The following SLC30A7 variants were observed in gnomAD, a reference collection of about 807,000 sequenced individuals.
The protein encoded by SLC30A7 is solute carrier family 30 member 7, also known as zinc transporter 7.
In SLC30A7, 35 loss-of-function variants were observed where a neutral mutation model predicts 46.0. The observed-to-expected ratio is 0.76, with a 90% confidence interval of 0.58 to 1.01. The LOEUF is 1.01. Among genes scored for constraint, SLC30A7 ranks in the 50% least tolerant of loss-of-function variants. The probability of loss-of-function intolerance (pLI) is 0.00; values close to 1 mark genes in which losing one functional copy is unlikely to be tolerated. For missense variants in SLC30A7, 464 were observed against 451.1 expected, an observed-to-expected ratio of 1.03 and a Z score of -0.26; for synonymous variants, 147 against 157.8, an observed-to-expected ratio of 0.93 and a Z score of 0.51.
intron 5 of SLC30A7, among the ~76,000 whole-genome samples, chr1:100,913,399 T>C (rs1366099802): frequency 1.3e-5 from 2 of 152,226 alleles, no homozygotes. Context: ...TCTGACCTCT[T>C]TGGAGATATC....
intron 8 of SLC30A7, among the ~76,000 whole-genome samples, chr1:100,935,954 GC>G (rs1363080263): frequency 1.3e-5 from 2 of 151,968 alleles, no homozygotes; most frequent in Non-Finnish European, 2.9e-5. Context: ...ACCACTCTTT[GC>G]CCTTAATAGG....
At chr1:100,928,711 G>T (rs1422890429) in intron 8 of SLC30A7, among the ~76,000 whole-genome samples, 1 of 151,868 alleles carries the variant, frequency 6.6e-6, no homozygotes, top group Non-Finnish European at 1.5e-5. Context: ...AGAAAATTTT[G>T]AAAATAGTGG....
chr1:100,900,233 T>C (rs899111296), intron 2 of SLC30A7, among the ~76,000 whole-genome samples: 1 of 152,248 alleles, frequency 6.6e-6, no homozygotes, highest in Non-Finnish European at 1.5e-5. Flanking sequence ...TTAATTTCAG[T>C]AGTATTTCTT....
chr1:100,946,050 G>C (rs1033733476), intron 8 of SLC30A7, among the ~76,000 whole-genome samples: 27 of 152,154 alleles, frequency 1.8e-4, no homozygotes, highest in African/African-American at 6.3e-4. Flanking sequence ...TGAAGCAATT[G>C]TGAATGGAAG....
At chr1:100,914,747 A>G (rs2101021888) in intron 6 of SLC30A7, among the ~76,000 whole-genome samples, 1 of 152,268 alleles carries the variant, frequency 6.6e-6, no homozygotes, top group East Asian at 1.9e-4. Flanking sequence ...ACAGAATCCT[A>G]AAGCTTTAGA....
chr1:100,906,981 A>C lies in SLC30A7; in HGVS notation c.296+16A>C. ...TCTCCTATGGGTAAGACTTTAAGAA[A>C]AAAAATCTTTTTATTGAAGTATAAG... On this transcript the variant is annotated intron_variant, in intron 3 of 10. Transcript: ENST00000357650. 1 of 1,524,816 alleles carries C rather than the reference A, an allele frequency of 6.6e-7. No homozygotes were observed. The highest frequency in any genetic ancestry group is 9.0e-7 in the Non-Finnish European group (1 of 1,105,944). The allele number at this position is 1,524,816 out of a possible 1,614,324, so 94.5% of individuals were successfully genotyped here. A position where few individuals can be genotyped will look rare whatever the true frequency, so the allele number is the denominator to read the frequency against.
chr1:100,961,941 C>G (rs1365226604), intron 9 of SLC30A7, 23 bp downstream of exon 9: 1 of 1,435,368 alleles, frequency 7.0e-7, no homozygotes, highest in East Asian at 2.3e-5. Context: ...TACTCCAAAC[C>G]ATTGGATTTT....
chr1:100,963,201 C>T lies in SLC30A7; in HGVS notation c.933+1283C>T, dbSNP rs113578764. Among the ~76,000 whole-genome samples the T allele has an allele frequency of 8.4e-3, 1,283 of 152,200 alleles. 12 individuals are homozygous for T. The highest frequency in any genetic ancestry group is 0.014 in the Non-Finnish European group (918 of 67,990). On this transcript the variant is annotated intron_variant, in intron 9 of 10. Coordinates refer to ENST00000357650, the MANE Select transcript of SLC30A7 (RefSeq NM_133496.5). ...TAAAACATCAAGATTGTATTTATTACCTCCGGAGAAGTTCTAGTTCTACTC... is the reference window on the plus strand; with the variant it reads ...TAAAACATCAAGATTGTATTTATTATCTCCGGAGAAGTTCTAGTTCTACTC...
At chr1:100,916,099 C>T (rs553222018) in intron 6 of SLC30A7, among the ~76,000 whole-genome samples, 13 of 151,232 alleles carry the variant, frequency 8.6e-5, no homozygotes, top group South Asian at 4.2e-4. Context: ...TTTATTCCTT[C>T]GGCCATTTAT....
At position 100,976,760 on chromosome 1, in the gene SLC30A7, CTAT is replaced by C. The variant is rs939812453; in HGVS notation, c.*1906_*1908del. ...CTGACCTACAACTATAAACTACTCT[CTAT>C]TAGGAGAACTAGACCACTTTCTTCA... On this transcript the variant is annotated 3_prime_UTR_variant, in exon 11 of 11. Transcript: ENST00000357650. 2 of 152,602 alleles carry C rather than the reference CTAT, an allele frequency of 1.3e-5. No individual in the cohort carries two copies. The highest frequency in any genetic ancestry group is 4.8e-5 in the African/African-American group (2 of 41,440). 9.5% of individuals were successfully genotyped at this position (152,602 alleles called of 1,614,324 possible). A position where few individuals can be genotyped will look rare whatever the true frequency, so the allele number is the denominator to read the frequency against.
chr1:100,934,401 T>A (rs373034595), intron 8 of SLC30A7, among the ~76,000 whole-genome samples: 15 of 152,084 alleles, frequency 9.9e-5, no homozygotes, highest in Admixed American at 6.5e-4. Flanking sequence ...TATTGCACAC[T>A]TAGAGAAGGC....
chr1:100,943,873 G>C (rs951734309), intron 8 of SLC30A7, among the ~76,000 whole-genome samples: 2 of 152,212 alleles, frequency 1.3e-5, no homozygotes, highest in Middle Eastern at 3.4e-3. Context: ...TAGGTTTATA[G>C]CATAAACTAT....
chr1:100,987,668 C>CTTTT, the SLC30A7 span, among the ~76,000 whole-genome samples: 1 of 141,044 alleles, frequency 7.1e-6, no homozygotes, highest in African/African-American at 2.6e-5. Flanking sequence ...GTTGTCTGCT[C>CTTTT]TTTTTTTTTT....
At chr1:100,931,179 A>C (rs1398722801) in intron 8 of SLC30A7, among the ~76,000 whole-genome samples, 1 of 152,170 alleles carries the variant, frequency 6.6e-6, no homozygotes, top group East Asian at 1.9e-4. Flanking sequence ...TTCAGCAAAA[A>C]TTCGGTAGTT....
intron 8 of SLC30A7, among the ~76,000 whole-genome samples, chr1:100,960,443 T>G (rs1349384060): frequency 1.3e-5 from 2 of 152,206 alleles, no homozygotes; most frequent in Non-Finnish European, 2.9e-5. Context: ...GACCAGCACT[T>G]TGCTAGACCT....
chr1:100,965,769 G>GT lies in SLC30A7; in HGVS notation c.935dup (p.Gln313ThrfsTer20), dbSNP rs1191685577. On this transcript the variant is annotated frameshift_variant and splice_region_variant, in exon 10 of 11. Coordinates refer to ENST00000357650, the MANE Select transcript of SLC30A7 (RefSeq NM_133496.5). LOFTEE classifies it high-confidence loss of function. ...TTAATATCTCTCCTTTATATTTCAG[G>GT]TACAGCAGTTGCAAGGAGTTTACAG... 20 of 1,612,522 alleles carry GT rather than the reference G, an allele frequency of 1.2e-5. No homozygotes were observed. Among genetic ancestry groups the GT allele is most frequent in the Non-Finnish European group, 1.7e-5 (20 of 1,178,880 alleles).
intron 8 of SLC30A7, among the ~76,000 whole-genome samples, chr1:100,932,837 C>A (rs1196285745): frequency 6.6e-6 from 1 of 152,132 alleles, no homozygotes; most frequent in Non-Finnish European, 1.5e-5. Context: ...AGGGCCCCCT[C>A]TTCTAAAATT....
At chr1:100,930,703 A>G (rs1653613270) in intron 8 of SLC30A7, among the ~76,000 whole-genome samples, 1 of 151,980 alleles carries the variant, frequency 6.6e-6, no homozygotes, top group African/African-American at 2.4e-5. Context: ...TCAAGTGGTT[A>G]TAATTTGTGA....
At chr1:100,900,203 T>C (rs1651222337) in intron 2 of SLC30A7, among the ~76,000 whole-genome samples, 1 of 152,246 alleles carries the variant, frequency 6.6e-6, no homozygotes, top group African/African-American at 2.4e-5. Context: ...TCTTACATTT[T>C]TACTTCATTT....
Sources: gnomAD v4.1 joint callset for allele counts (sites outside exome capture counted in the v4.1 genomes callset) on GRCh38, gnomAD v4.1.1 for gene constraint, MANE v1.5 for transcripts, NCBI Gene and HGNC (gene_info 2026-07-23, HGNC 2026-07-21) for gene names.